Variants in ITFG1 observed in about 807,000 individuals in gnomAD.
ITFG1 encodes the protein integrin alpha FG-GAP repeat containing 1.
Under a neutral mutation model 81.8 loss-of-function variants are expected in ITFG1, and 34 were observed. The observed-to-expected ratio is 0.42, with a 90% CI of 0.32 to 0.55. The LOEUF (loss-of-function observed/expected upper bound fraction) is 0.55. Ranked by LOEUF, ITFG1 falls within the 20% of genes least tolerant of loss-of-function variation. The pLI is 0.17. For missense variants in ITFG1, 672 were observed against 755.4 expected (o/e 0.89, Z 1.29); for synonymous variants, 285 against 270.6 (o/e 1.05, Z -0.52).
intron 8 of ITFG1, among the ~76,000 whole-genome samples, chr16:47,356,493 G>GAACT (rs1968041720): frequency 2.0e-5 from 3 of 152,172 alleles, no homozygotes; most frequent in African/African-American, 7.2e-5. Flanking sequence ...GACTAAAAGG[G>GAACT]AACTGTCTTG....
chr16:47,300,007 G>GCCAC (rs1194995773), intron 10 of ITFG1: 2 of 152,428 alleles, frequency 1.3e-5, no homozygotes, highest in African/African-American at 4.8e-5. Context: ...GGCATGGGAT[G>GCCAC]TTCTTTCCCT....
At chr16:47,327,907 C>T (rs1281287281) in intron 8 of ITFG1, among the ~76,000 whole-genome samples, 1 of 152,192 alleles carries the variant, frequency 6.6e-6, no homozygotes, top group Non-Finnish European at 1.5e-5. Context: ...TTGTGGAAGT[C>T]GGTGTGGCAA....
chr16:47,460,553 G>A (rs1397813474), intron 1 of ITFG1, among the ~76,000 whole-genome samples: 1 of 152,168 alleles, frequency 6.6e-6, no homozygotes, highest in Non-Finnish European at 1.5e-5. Context: ...ATGGGGAGGA[G>A]GGGGTAAGGT....
chr16:47,417,719 T>A (rs1042015968), intron 6 of ITFG1, among the ~76,000 whole-genome samples: 2 of 152,222 alleles, frequency 1.3e-5, no homozygotes, highest in Non-Finnish European at 2.9e-5. Flanking sequence ...TTTCATTCTT[T>A]TTTTATGGCA....
chr16:47,284,348 C>T (rs1966862045), intron 10 of ITFG1, among the ~76,000 whole-genome samples: 1 of 152,060 alleles, frequency 6.6e-6, no homozygotes, highest in Non-Finnish European at 1.5e-5. Flanking sequence ...TAAGATATAA[C>T]ATATTTCTAT....
intron 8 of ITFG1, among the ~76,000 whole-genome samples, chr16:47,351,831 C>T (rs1190054784): frequency 2.0e-5 from 3 of 152,288 alleles, no homozygotes; most frequent in East Asian, 3.9e-4. Flanking sequence ...GCTACAGTAA[C>T]CACAACAGCC....
At chr16:47,249,828 A>G (rs1966047845) in intron 12 of ITFG1, among the ~76,000 whole-genome samples, 1 of 152,236 alleles carries the variant, frequency 6.6e-6, no homozygotes, top group African/African-American at 2.4e-5. Context: ...TATATTAGCT[A>G]TTTCACACAA....
intron 10 of ITFG1, among the ~76,000 whole-genome samples, chr16:47,310,852 A>T (rs531275784): frequency 7.2e-5 from 11 of 152,332 alleles, no homozygotes; most frequent in Admixed American, 5.2e-4. Flanking sequence ...CCAAAGTCAC[A>T]CAGATGGTAA....
Position 47,264,545 on chromosome 16 carries a change from TACACACACAC to T in ITFG1, c.1071-3860_1071-3851del, listed in dbSNP as rs60424367. Among the ~76,000 whole-genome samples, 722 of 136,126 alleles carry T rather than the reference TACACACACAC, an allele frequency of 5.3e-3. 2 individuals are homozygous for T. The highest frequency in any genetic ancestry group is 6.2e-3 in the Non-Finnish European group (384 of 62,352). 89.3% of individuals were successfully genotyped at this position (136,126 alleles called of 152,430 possible). A position where few individuals can be genotyped will look rare whatever the true frequency, so the allele number is the denominator to read the frequency against. On this transcript the variant is annotated intron_variant, in intron 10 of 17. Coordinates refer to ENST00000320640, the MANE Select transcript of ITFG1 (RefSeq NM_030790.5). ...CAGGTTATTGCCAACTGTTCTCTAT[TACACACACAC>T]ACACACACACACACACACACACACA...
chr16:47,187,741 C>T (rs1177600975), intron 14 of ITFG1, among the ~76,000 whole-genome samples: 2 of 151,978 alleles, frequency 1.3e-5, no homozygotes, highest in South Asian at 4.2e-4. Flanking sequence ...GCAATGGCAA[C>T]AAAAGCCAAA....
At chr16:47,397,040 T>C (rs1162509358) in intron 6 of ITFG1, among the ~76,000 whole-genome samples, 1 of 152,088 alleles carries the variant, frequency 6.6e-6, no homozygotes, top group African/African-American at 2.4e-5. Context: ...AAAAGGAAGA[T>C]GACGTTTGGT....
At chr16:47,433,785 A>ATATG (rs1303998637) in intron 5 of ITFG1, among the ~76,000 whole-genome samples, 1 of 143,890 alleles carries the variant, frequency 6.9e-6, no homozygotes, top group East Asian at 2.0e-4. Flanking sequence ...ATATATATAT[A>ATATG]TATATATACA....
At chr16:47,328,436 C>T (rs1967591310) in intron 8 of ITFG1, among the ~76,000 whole-genome samples, 1 of 151,862 alleles carries the variant, frequency 6.6e-6, no homozygotes, top group Non-Finnish European at 1.5e-5. Context: ...CAAACCTGCA[C>T]ATTGTGCATA....
intron 6 of ITFG1, chr16:47,396,225 G>A: frequency 1.1e-6 from 1 of 935,350 alleles, no homozygotes; most frequent in Non-Finnish European, 1.3e-6. Flanking sequence ...ATTGTTAAAT[G>A]CCAAAATGGA....
intron 7 of ITFG1, among the ~76,000 whole-genome samples, chr16:47,373,867 T>A (rs1453177322): frequency 6.6e-6 from 1 of 152,254 alleles, no homozygotes; most frequent in Non-Finnish European, 1.5e-5. Context: ...CAAATTAGTA[T>A]GTGACTGCAA....
intron 12 of ITFG1, among the ~76,000 whole-genome samples, chr16:47,239,200 GT>G (rs879368480): frequency 4.9e-4 from 71 of 145,046 alleles, no homozygotes; most frequent in East Asian, 1.6e-3. Flanking sequence ...TTACCCTAAG[GT>G]TTTTTTTTTT....
intron 14 of ITFG1, among the ~76,000 whole-genome samples, chr16:47,215,599 C>A (rs1965616448): frequency 6.6e-6 from 1 of 151,968 alleles, no homozygotes. Context: ...TTCCCATGAC[C>A]AAGAGATAAT....
At chr16:47,321,108 C>T (rs868154324) in intron 8 of ITFG1, among the ~76,000 whole-genome samples, 5 of 152,184 alleles carry the variant, frequency 3.3e-5, no homozygotes, top group African/African-American at 1.2e-4. Context: ...AAAATGCCTC[C>T]TTCCACCATC....
At chr16:47,205,847 T>C (rs1166120995) in intron 14 of ITFG1, among the ~76,000 whole-genome samples, 3 of 125,936 alleles carry the variant, frequency 2.4e-5, no homozygotes, top group African/African-American at 7.8e-5. Context: ...TATCTATCTA[T>C]CTATCTATCT....
Sources: allele counts gnomAD v4.1 joint callset (sites outside exome capture counted in the v4.1 genomes callset), GRCh38; gene constraint gnomAD v4.1.1; transcripts MANE v1.5; gene names NCBI Gene and HGNC (gene_info 2026-07-23, HGNC 2026-07-21).